The following PLOD2 variants were observed in gnomAD, a reference collection of about 807,000 sequenced individuals.
PLOD2 encodes procollagen-lysine,2-oxoglutarate 5-dioxygenase 2, also known as lysine hydroxylase 2.
PLOD2 carries 65 observed loss-of-function variants against 101.0 expected under a neutral mutation model. That is an observed-to-expected ratio of 0.64 (90% CI 0.53 to 0.79). The LOEUF (loss-of-function observed/expected upper bound fraction) is 0.79. Among genes scored for constraint, PLOD2 ranks in the 30% least tolerant of loss-of-function variants. PLOD2 has a pLI of 0.00. For synonymous variants in PLOD2, 314 were observed against 302.9 expected (o/e 1.04, Z -0.38); for missense variants, 909 against 914.6 (o/e 0.99, Z 0.08).
intron 10 of PLOD2, chr3:146,085,904 T>C (rs1028392316): frequency 1.3e-5 from 2 of 152,458 alleles, no homozygotes; most frequent in African/African-American, 4.8e-5. Context: ...CTGTTGTCAG[T>C]GTGTGTCTCC....
chr3:146,119,102 G>A (rs1938060629), intron 3 of PLOD2, among the ~76,000 whole-genome samples: 1 of 152,094 alleles, frequency 6.6e-6, no homozygotes, highest in South Asian at 2.1e-4. Flanking sequence ...TGGATCATGA[G>A]GGCAGTTTCT....
intron 7 of PLOD2, among the ~76,000 whole-genome samples, chr3:146,094,348 G>T (rs1192162350): frequency 6.6e-6 from 1 of 152,146 alleles, no homozygotes; most frequent in African/African-American, 2.4e-5. Flanking sequence ...TTTCAGAAAT[G>T]AGTTATGTTC....
chr3:146,124,680 A>G (rs2030442343), intron 1 of PLOD2, among the ~76,000 whole-genome samples: 1 of 152,060 alleles, frequency 6.6e-6, no homozygotes, highest in African/African-American at 2.4e-5. Flanking sequence ...AACAGATACA[A>G]TCATTAAATC....
chr3:146,097,970 A>G (rs952134769), intron 7 of PLOD2, among the ~76,000 whole-genome samples: 1 of 152,122 alleles, frequency 6.6e-6, no homozygotes, highest in Non-Finnish European at 1.5e-5. Flanking sequence ...CAAACACTGC[A>G]TGTTCTCACT....
At chr3:146,097,237 G>C (rs1385732513) in intron 7 of PLOD2, among the ~76,000 whole-genome samples, 1 of 150,518 alleles carries the variant, frequency 6.6e-6, no homozygotes, top group East Asian at 2.0e-4. Context: ...GCTTCTGCCG[G>C]GCCGCCCCTA....
chr3:146,101,654 G>A (rs1015862687), intron 7 of PLOD2, among the ~76,000 whole-genome samples: 1 of 152,194 alleles, frequency 6.6e-6, no homozygotes, highest in African/African-American at 2.4e-5. Flanking sequence ...AAGAAACTTT[G>A]GCTGTGAAGG....
intron 1 of PLOD2, among the ~76,000 whole-genome samples, chr3:146,142,278 G>T (rs576893389): frequency 1.3e-5 from 2 of 151,848 alleles, no homozygotes; most frequent in Admixed American, 6.6e-5. Flanking sequence ...AAATTAATAC[G>T]AATGCAGTGT....
intron 1 of PLOD2, among the ~76,000 whole-genome samples, chr3:146,158,075 G>A (rs2032386223): frequency 6.6e-6 from 1 of 152,120 alleles, no homozygotes. Context: ...ATAGTAAGGT[G>A]CCTCAGAAAA....
intron 1 of PLOD2, among the ~76,000 whole-genome samples, chr3:146,148,969 T>C (rs951241222): frequency 3.3e-5 from 5 of 152,194 alleles, no homozygotes. Flanking sequence ...ACAATAAGCA[T>C]AATCCACAGA....
intron 3 of PLOD2, among the ~76,000 whole-genome samples, chr3:146,114,150 T>C (rs1300942436): frequency 6.6e-6 from 1 of 152,114 alleles, no homozygotes. Flanking sequence ...ACGTTATCAA[T>C]GACAATGCAT....
chr3:146,088,864 A>T, intron 8 of PLOD2, 153 bp from the exon 9 acceptor site: 1 of 654,570 alleles, frequency 1.5e-6, no homozygotes, highest in South Asian at 2.0e-5. Context: ...CAGTTCTCTA[A>T]CACTTGAAAC....
chr3:146,147,259 A>C (rs1215364423), intron 1 of PLOD2, among the ~76,000 whole-genome samples: 1 of 152,224 alleles, frequency 6.6e-6, no homozygotes, highest in African/African-American at 2.4e-5. Context: ...TTCAGGCCTT[A>C]AAAAATGACA....
intron 8 of PLOD2, among the ~76,000 whole-genome samples, chr3:146,088,972 T>C (rs574465374): frequency 1.3e-5 from 2 of 151,774 alleles, no homozygotes; most frequent in East Asian, 1.9e-4. Context: ...ATTACATGAA[T>C]GTAATTCATG....
intron 1 of PLOD2, among the ~76,000 whole-genome samples, chr3:146,159,779 T>A (rs1204902255): frequency 6.6e-6 from 1 of 152,214 alleles, no homozygotes; most frequent in Non-Finnish European, 1.5e-5. Context: ...ATCTGAATGC[T>A]GAAGTTTCTC....
chr3:146,105,930 G>A (rs1937528627), intron 5 of PLOD2, among the ~76,000 whole-genome samples: 2 of 152,190 alleles, frequency 1.3e-5, no homozygotes, highest in Non-Finnish European at 2.9e-5. Context: ...TGGCTTTGGT[G>A]TAGCTTCTGA....
chr3:146,137,391 T>G (rs774064112), intron 1 of PLOD2, among the ~76,000 whole-genome samples: 11 of 152,122 alleles, frequency 7.2e-5, no homozygotes, highest in Non-Finnish European at 1.6e-4. Context: ...GGACTACAGG[T>G]GCTCACCACC....
intron 3 of PLOD2, among the ~76,000 whole-genome samples, chr3:146,115,129 C>T (rs1937847766): frequency 2.0e-5 from 3 of 152,148 alleles, no homozygotes; most frequent in Admixed American, 2.0e-4. Context: ...GTACTCTTTC[C>T]CTTTATTTCT....
intron 1 of PLOD2, among the ~76,000 whole-genome samples, chr3:146,133,664 C>T (rs2031058931): frequency 1.3e-5 from 2 of 152,174 alleles, no homozygotes; most frequent in African/African-American, 4.8e-5. Flanking sequence ...GGACTATACA[C>T]TGAGTTTCAG....
intron 12 of PLOD2, among the ~76,000 whole-genome samples, chr3:146,080,481 C>A (rs2108008708): frequency 6.6e-6 from 1 of 151,946 alleles, no homozygotes; most frequent in Non-Finnish European, 1.5e-5. Flanking sequence ...AGAAATTAAT[C>A]TCTGGGGAAT....
Sources: gnomAD v4.1 joint callset for allele counts (sites outside exome capture counted in the v4.1 genomes callset) on GRCh38, gnomAD v4.1.1 for gene constraint, MANE v1.5 for transcripts, NCBI Gene and HGNC (gene_info 2026-07-23, HGNC 2026-07-21) for gene names.